SH3D19: variants seen among roughly 807,000 people sequenced by gnomAD.
SH3D19 encodes SH3 domain-containing protein 19.
SH3D19 carries 58 observed loss-of-function variants against 112.1 expected under a neutral mutation model. That is an observed-to-expected ratio of 0.52 (90% CI 0.42 to 0.64). SH3D19 has a LOEUF of 0.64. SH3D19 is among the 30% of genes least tolerant of loss of function. The probability of loss-of-function intolerance (pLI) is 0.00; values close to 1 mark genes in which losing one functional copy is unlikely to be tolerated. For missense variants in SH3D19, 1,090 were observed against 1,263.4 expected (o/e 0.86, Z 2.08); for synonymous variants, 391 against 448.5 (o/e 0.87, Z 1.62).
At chr4:151,152,512 C>G (rs1294639604) in intron 9 of SH3D19, among the ~76,000 whole-genome samples, 1 of 145,008 alleles carries the variant, frequency 6.9e-6, no homozygotes, top group African/African-American at 2.7e-5. Flanking sequence ...TATTCTCTCT[C>G]TCTCTTTTTT....
At position 151,311,646 on chromosome 4, in the gene SH3D19, C is replaced by G. The variant is rs141660612; in HGVS notation, c.112+13595G>C. On this transcript the variant is annotated intron_variant, in intron 1 of 19. Coordinates refer to ENST00000604030, the MANE Select transcript of SH3D19 (RefSeq NM_001378122.1). ...TTGGGACCAGGAATTTGAGGCCAGC[C>G]TGGGCAAAAGAGCAAGACCCTATCT... 1.2e-3 allele frequency among the ~76,000 whole-genome samples: 180 copies of G among 152,214 alleles called. 1 individual carries two copies. Among genetic ancestry groups the G allele is most frequent in the African/African-American group, 4.0e-3 (168 of 41,506 alleles).
intron 1 of SH3D19, among the ~76,000 whole-genome samples, chr4:151,308,536 A>G: frequency 6.6e-6 from 1 of 152,228 alleles, no homozygotes; most frequent in East Asian, 1.9e-4. Flanking sequence ...TTGAAAAGGC[A>G]GCTCTCTATG....
intron 8 of SH3D19, among the ~76,000 whole-genome samples, chr4:151,160,684 C>CTTT (rs35888994): frequency 0.014 from 1,985 of 145,342 alleles, 22 homozygotes; most frequent in Non-Finnish European, 0.022. Context: ...CTTTCTCTCT[C>CTTT]TTTTTTTTTT....
chr4:151,271,616 A>C (rs1170557380), intron 1 of SH3D19, among the ~76,000 whole-genome samples: 1 of 152,214 alleles, frequency 6.6e-6, no homozygotes, highest in Non-Finnish European at 1.5e-5. Context: ...ATCTGGCCCA[A>C]AATGTCAATA....
chr4:151,284,248 C>T (rs1774523571), intron 1 of SH3D19, among the ~76,000 whole-genome samples: 1 of 152,118 alleles, frequency 6.6e-6, no homozygotes, highest in African/African-American at 2.4e-5. Flanking sequence ...TCACACAAGT[C>T]CATTTTATTT....
intron 4 of SH3D19, among the ~76,000 whole-genome samples, chr4:151,177,629 G>A (rs1037196005): frequency 6.6e-6 from 1 of 152,202 alleles, no homozygotes; most frequent in African/African-American, 2.4e-5. Context: ...GATTAGAGGC[G>A]TGAGCCACTG....
intron 1 of SH3D19, among the ~76,000 whole-genome samples, chr4:151,236,129 G>T (rs908314425): frequency 6.6e-6 from 1 of 152,256 alleles, no homozygotes; most frequent in African/African-American, 2.4e-5. Context: ...CCTCGGCCTC[G>T]GCGTCCGCTC....
intron 3 of SH3D19, among the ~76,000 whole-genome samples, chr4:151,186,798 T>C (rs1761849526): frequency 6.7e-6 from 1 of 149,326 alleles, no homozygotes; most frequent in Non-Finnish European, 1.5e-5. Context: ...TACATAATTT[T>C]TTTTTTTTTT....
rs147847832 is a variant in SH3D19 at position 151,188,684 on chromosome 4, G to T, written c.153-1221C>A. ...TCACTACCACTGATTTGGCAGGGATGATATTATGAATTTAAAACATCCTTT... is the reference window on the plus strand; with the variant it reads ...TCACTACCACTGATTTGGCAGGGATTATATTATGAATTTAAAACATCCTTT... On this transcript the variant is annotated intron_variant, in intron 2 of 19. Transcript: ENST00000604030. Among the ~76,000 whole-genome samples, 306 of 152,304 alleles carry T rather than the reference G, an allele frequency of 2.0e-3. 2 individuals carry two copies. The highest frequency in any genetic ancestry group is 7.0e-3 in the African/African-American group (289 of 41,550).
chr4:151,323,289 G>C (rs760201487), intron 1 of SH3D19, among the ~76,000 whole-genome samples: 4 of 152,084 alleles, frequency 2.6e-5, no homozygotes, highest in Non-Finnish European at 5.9e-5. Context: ...AAGGGAAGGA[G>C]GGAGCACTGA....
chr4:151,159,149 C>G, intron 9 of SH3D19, 91 bp downstream of exon 9: 3 of 669,694 alleles, frequency 4.5e-6, no homozygotes, highest in Non-Finnish European at 7.1e-6. Flanking sequence ...TTAATCTGAC[C>G]AGTAATAAAA....
At chr4:151,273,452 T>C (rs1773363568) in intron 1 of SH3D19, among the ~76,000 whole-genome samples, 1 of 151,546 alleles carries the variant, frequency 6.6e-6, no homozygotes, top group Non-Finnish European at 1.5e-5. Context: ...TAGCTGGGCG[T>C]GGTGGTGGGC....
At chr4:151,141,370 C>A (rs1752950522) in intron 12 of SH3D19, among the ~76,000 whole-genome samples, 1 of 152,192 alleles carries the variant, frequency 6.6e-6, no homozygotes, top group Non-Finnish European at 1.5e-5. Context: ...AGGTGATCCA[C>A]CCATCTTGGC....
At position 151,149,535 on chromosome 4, in the gene SH3D19, T is replaced by A. The variant is rs368219782; in HGVS notation, c.1782A>T (p.Gly594=). Reference sequence around the variant, plus strand: ...ACCTTGGGGGTACTCGCACAAAACCTCCTGTTTGACCTGGGTGGTTGGATT... The same window carrying A: ...ACCTTGGGGGTACTCGCACAAAACCACCTGTTTGACCTGGGTGGTTGGATT... The part of the protein sequence containing the change: ...NLESNHPGQT[G]GFVRVPPRLP... The change falls in exon 10 of 20, where the codon GGA becomes GGT. Residue 594 remains glycine, a synonymous_variant. Coordinates refer to ENST00000604030, the MANE Select transcript of SH3D19 (RefSeq NM_001378122.1). 2.6e-5 allele frequency: 42 copies of A among 1,611,656 alleles called. No individual in the cohort carries two copies. In the African/African-American group the frequency reaches 5.3e-4, roughly 20 times the overall value.
chr4:151,143,855 C>A, intron 12 of SH3D19, 55 bp downstream of exon 12: 2 of 1,522,222 alleles, frequency 1.3e-6, no homozygotes, highest in Non-Finnish European at 1.8e-6. Context: ...TTAATAGTTC[C>A]ATGAAATGTG....
At chr4:151,307,492 C>A (rs1281072459) in intron 1 of SH3D19, among the ~76,000 whole-genome samples, 1 of 152,274 alleles carries the variant, frequency 6.6e-6, no homozygotes, top group Non-Finnish European at 1.5e-5. Flanking sequence ...GGGCGCCAAC[C>A]CTTAGGCTCT....
At chr4:151,196,522 T>G (rs1415456716) in intron 2 of SH3D19, among the ~76,000 whole-genome samples, 1 of 151,326 alleles carries the variant, frequency 6.6e-6, no homozygotes, top group Non-Finnish European at 1.5e-5. Context: ...GGAAAAGATA[T>G]TAGCTTATCA....
chr4:151,277,368 C>A (rs1339741965), intron 1 of SH3D19: 1 of 489,490 alleles, frequency 2.0e-6, no homozygotes, highest in Non-Finnish European at 3.3e-6. Flanking sequence ...CTACTATATA[C>A]CCAGCACCAT....
At chr4:151,301,384 C>T (rs1728406928) in intron 1 of SH3D19, among the ~76,000 whole-genome samples, 1 of 152,240 alleles carries the variant, frequency 6.6e-6, no homozygotes, top group African/African-American at 2.4e-5. Context: ...TGTGCCACCA[C>T]ACCCAGCTAA....
Sources: allele counts gnomAD v4.1 joint callset (sites outside exome capture counted in the v4.1 genomes callset), GRCh38; gene constraint gnomAD v4.1.1; transcripts MANE v1.5; gene names NCBI Gene and HGNC (gene_info 2026-07-23, HGNC 2026-07-21).